CPED1: variants seen among roughly 807,000 people sequenced by gnomAD.
The protein encoded by CPED1 is cadherin-like and PC-esterase domain-containing protein 1.
A neutral mutation model predicts 128.2 loss-of-function variants in CPED1; 114 were observed. The ratio of observed to expected loss-of-function variants is 0.89; its 90% CI spans 0.76 to 1.04. CPED1 has a LOEUF of 1.04. Ranked by LOEUF, CPED1 falls within the 50% of genes least tolerant of loss-of-function variation. The probability of loss-of-function intolerance (pLI) is 0.00; values close to 1 mark genes in which losing one functional copy is unlikely to be tolerated. For missense variants in CPED1, 1,211 were observed against 1,207.1 expected, an observed-to-expected ratio of 1.00 and a Z score of -0.05; for synonymous variants, 462 against 426.7, an observed-to-expected ratio of 1.08 and a Z score of -1.02.
At chr7:121,058,578 T>C (rs1793563850) in intron 4 of CPED1, among the ~76,000 whole-genome samples, 1 of 152,208 alleles carries the variant, frequency 6.6e-6, no homozygotes, top group Admixed American at 6.5e-5. Context: ...TTATAAAACT[T>C]GTCTAAGACC....
chr7:121,077,347 TCCTTTTA>T (rs1235577658), intron 5 of CPED1, among the ~76,000 whole-genome samples: 3 of 152,208 alleles, frequency 2.0e-5, no homozygotes, highest in Non-Finnish European at 4.4e-5. Flanking sequence ...ATTTTTTCAT[TCCTTTTA>T]GCTTTTGCTT....
At chr7:121,157,314 C>T (rs1348394927) in intron 16 of CPED1, among the ~76,000 whole-genome samples, 2 of 152,050 alleles carry the variant, frequency 1.3e-5, no homozygotes, top group East Asian at 1.9e-4. Flanking sequence ...ACTTAATATA[C>T]GATATCATTA....
At chr7:121,273,705 T>A (rs1792276660) in intron 22 of CPED1, among the ~76,000 whole-genome samples, 2 of 152,124 alleles carry the variant, frequency 1.3e-5, no homozygotes, top group African/African-American at 4.8e-5. Flanking sequence ...CATGACATTT[T>A]AAATTTTGAC....
intron 16 of CPED1, among the ~76,000 whole-genome samples, chr7:121,172,650 A>T (rs1053290626): frequency 6.7e-6 from 1 of 148,724 alleles, no homozygotes; most frequent in Non-Finnish European, 1.5e-5. Context: ...GGGTGGTTGG[A>T]TGGATGGATA....
chr7:121,075,989 G>C (rs781269399), intron 5 of CPED1, among the ~76,000 whole-genome samples: 5 of 152,122 alleles, frequency 3.3e-5, no homozygotes, highest in Non-Finnish European at 7.4e-5. Flanking sequence ...ATTTGTATGT[G>C]TTTGTCTCCC....
intron 3 of CPED1, among the ~76,000 whole-genome samples, 181 bp downstream of exon 3, chr7:121,016,029 C>G (rs1792293342): frequency 6.6e-6 from 1 of 152,116 alleles, no homozygotes; most frequent in Non-Finnish European, 1.5e-5. Context: ...TTTTCTTTAA[C>G]TGTGTCTCTT....
intron 16 of CPED1, among the ~76,000 whole-genome samples, chr7:121,148,211 A>G (rs1019612465): frequency 6.6e-6 from 1 of 152,204 alleles, no homozygotes; most frequent in African/African-American, 2.4e-5. Context: ...GCTATAGTGA[A>G]GTGCTCTCAA....
intron 7 of CPED1, among the ~76,000 whole-genome samples, chr7:121,111,914 G>T (rs542188157): frequency 6.6e-6 from 1 of 152,230 alleles, no homozygotes; most frequent in Non-Finnish European, 1.5e-5. Context: ...ATTTCTCATG[G>T]TTCTATAAAT....
intron 3 of CPED1, among the ~76,000 whole-genome samples, chr7:121,032,526 G>A (rs1792759630): frequency 6.7e-6 from 1 of 149,752 alleles, no homozygotes. Flanking sequence ...ATACCGCGGG[G>A]GGGGCCTGTC....
intron 3 of CPED1, among the ~76,000 whole-genome samples, chr7:121,046,102 T>C (rs867342066): frequency 2.6e-5 from 4 of 152,100 alleles, no homozygotes; most frequent in South Asian, 4.1e-4. Flanking sequence ...AATAAACCCA[T>C]GTATACACAC....
intron 8 of CPED1, among the ~76,000 whole-genome samples, chr7:121,124,970 AAG>A (rs918287159): frequency 6.6e-6 from 1 of 152,170 alleles, no homozygotes; most frequent in African/African-American, 2.4e-5. Context: ...GTACGTCAAA[AAG>A]TGGGGGAAGC....
chr7:121,266,440 T>A lies in CPED1; in HGVS notation c.2524T>A (p.Leu842Met), dbSNP rs1165827920. Residue 842 changes from leucine (L) to methionine (M), a missense_variant, in exon 19 of 23, where the codon TTG becomes ATG. Transcript: ENST00000310396. ...ATTTGAAAATGCACTTGAACACCTC[T>A]TGCAAAGGTACAATGAAACTATAAT... is the stretch of plus-strand genomic sequence containing the variant. ...PTFENALEHL[L>M]QRSRPLENTG... 2.5e-6 allele frequency: 4 copies of A among 1,610,516 alleles called. No homozygotes were observed. In the East Asian group the frequency reaches 8.9e-5, roughly 36 times the overall value.
chr7:121,176,197 A>G (rs1471636313), intron 16 of CPED1, among the ~76,000 whole-genome samples: 16 of 135,718 alleles, frequency 1.2e-4, no homozygotes, highest in African/African-American at 4.7e-4. Context: ...CCGCTGGAAA[A>G]AAAAAAAAAA....
intron 22 of CPED1, among the ~76,000 whole-genome samples, chr7:121,292,453 G>T (rs535506366): frequency 6.6e-6 from 1 of 151,964 alleles, no homozygotes; most frequent in South Asian, 2.1e-4. Context: ...TTTGCATTCG[G>T]TTAGAACATG....
chr7:121,185,231 T>C (rs1257943233), intron 16 of CPED1, among the ~76,000 whole-genome samples: 1 of 152,048 alleles, frequency 6.6e-6, no homozygotes, highest in Non-Finnish European at 1.5e-5. Context: ...CAGACAAATA[T>C]AAATATTCAC....
At chr7:121,004,907 A>G (rs772420037) in intron 2 of CPED1, among the ~76,000 whole-genome samples, 6 of 152,166 alleles carry the variant, frequency 3.9e-5, no homozygotes, top group Non-Finnish European at 7.4e-5. Flanking sequence ...CAGCCCCCAA[A>G]TCTAAGAAGT....
intron 16 of CPED1, among the ~76,000 whole-genome samples, chr7:121,156,943 A>G (rs1423553717): frequency 6.6e-6 from 1 of 152,228 alleles, no homozygotes; most frequent in African/African-American, 2.4e-5. Flanking sequence ...AGAAGCAGAG[A>G]AAAGTCATGA....
At chr7:121,199,448 G>C (rs574677306) in intron 16 of CPED1, among the ~76,000 whole-genome samples, 1 of 152,004 alleles carries the variant, frequency 6.6e-6, no homozygotes, top group African/African-American at 2.4e-5. Context: ...GGGAGGCAGA[G>C]GTGGGCAGAT....
At chr7:121,219,925 T>C (rs1797841165) in intron 16 of CPED1, among the ~76,000 whole-genome samples, 1 of 152,092 alleles carries the variant, frequency 6.6e-6, no homozygotes, top group African/African-American at 2.4e-5. Context: ...CTTAAGTAGC[T>C]GTATATTTTT....
Sources: allele counts gnomAD v4.1 joint callset (sites outside exome capture counted in the v4.1 genomes callset), GRCh38; gene constraint gnomAD v4.1.1; transcripts MANE v1.5; gene names NCBI Gene and HGNC (gene_info 2026-07-23, HGNC 2026-07-21).